The following KCNIP1 variants were observed in gnomAD, a reference collection of about 807,000 sequenced individuals.
KCNIP1 encodes the protein A-type potassium channel modulatory protein KCNIP1.
Under a neutral mutation model 33.0 loss-of-function variants are expected in KCNIP1, and 18 were observed. The ratio of observed to expected loss-of-function variants is 0.55; its 90% CI spans 0.38 to 0.81. The LOEUF (loss-of-function observed/expected upper bound fraction) is 0.81, where lower values mean the gene tolerates loss of function less well. Among genes scored for constraint, KCNIP1 ranks in the 30% least tolerant of loss-of-function variants. The pLI, the probability that KCNIP1 is intolerant of heterozygous loss-of-function variation, is 0.00. For synonymous variants in KCNIP1, 93 were observed against 98.3 expected, an observed-to-expected ratio of 0.95 and a Z score of 0.32; for missense variants, 238 against 271.6, an observed-to-expected ratio of 0.88 and a Z score of 0.87.
At chr5:170,565,204 T>C (rs1240578250) in intron 1 of KCNIP1, among the ~76,000 whole-genome samples, 1 of 152,018 alleles carries the variant, frequency 6.6e-6, no homozygotes. Context: ...GCCTGCCAAT[T>C]AGTGACGTTC....
intron 1 of KCNIP1, among the ~76,000 whole-genome samples, chr5:170,673,496 G>A (rs536495934): frequency 7.2e-5 from 11 of 152,310 alleles, no homozygotes; most frequent in Non-Finnish European, 7.3e-5. Flanking sequence ...GAAGCTTAGC[G>A]AGCTCAAGTA....
intron 1 of KCNIP1, among the ~76,000 whole-genome samples, chr5:170,443,502 C>G (rs1756040684): frequency 6.6e-6 from 1 of 152,260 alleles, no homozygotes; most frequent in South Asian, 2.1e-4. Context: ...AAGGCATATG[C>G]AAGAACAGGT....
chr5:170,641,342 G>A lies in KCNIP1; in HGVS notation c.62-77416G>A, dbSNP rs1447310985. Among the ~76,000 whole-genome samples the A allele has an allele frequency of 2.6e-5, 4 of 152,308 alleles. No individual in the cohort carries two copies. In the East Asian group the frequency reaches 5.8e-4, roughly 22 times the overall value. ...CCCTACCTGGCTCTGCTCTGCTGGG[G>A]GAAGCCTTTTCAGAGCCTGCCTCTT... On this transcript the variant is annotated intron_variant, in intron 1 of 7. Transcript: ENST00000328939.
intron 1 of KCNIP1, among the ~76,000 whole-genome samples, chr5:170,646,608 A>G (rs1224917801): frequency 6.6e-6 from 1 of 152,154 alleles, no homozygotes; most frequent in Non-Finnish European, 1.5e-5. Flanking sequence ...GATAAAGAAC[A>G]TCTACAAAAA....
chr5:170,606,960 G>A (rs1464213845), intron 1 of KCNIP1, among the ~76,000 whole-genome samples: 1 of 152,020 alleles, frequency 6.6e-6, no homozygotes, highest in Non-Finnish European at 1.5e-5. Context: ...ACAGGCTTCT[G>A]TCCCCTGGCC....
intron 1 of KCNIP1, among the ~76,000 whole-genome samples, chr5:170,425,452 T>TG (rs1196400996): frequency 6.6e-6 from 1 of 152,086 alleles, no homozygotes; most frequent in Non-Finnish European, 1.5e-5. Flanking sequence ...ATGGCAGTCA[T>TG]GGGGGGAGGC....
At chr5:170,443,725 A>G (rs1756045410) in intron 1 of KCNIP1, among the ~76,000 whole-genome samples, 1 of 152,228 alleles carries the variant, frequency 6.6e-6, no homozygotes, top group Non-Finnish European at 1.5e-5. Context: ...CACAGCAGCA[A>G]AAAGATCTGC....
intron 1 of KCNIP1, among the ~76,000 whole-genome samples, chr5:170,547,163 TCTAA>T (rs1561680191): frequency 6.6e-6 from 1 of 152,204 alleles, no homozygotes; most frequent in Non-Finnish European, 1.5e-5. Flanking sequence ...AACTTTTCTC[TCTAA>T]CTACTTTTAA....
chr5:170,641,974 G>A (rs114760305), intron 1 of KCNIP1: 4,244 of 152,330 alleles, frequency 0.028, 73 homozygotes, highest in South Asian at 0.076. Flanking sequence ...CGGCTCTGTC[G>A]CCCTTCCCAT....
chr5:170,644,768 C>T (rs1760718481), intron 1 of KCNIP1, among the ~76,000 whole-genome samples: 2 of 152,216 alleles, frequency 1.3e-5, no homozygotes, highest in Non-Finnish European at 2.9e-5. Flanking sequence ...CTTCAAGTCA[C>T]AGGCATTTCA....
rs150934314 is a variant in KCNIP1 at position 170,473,371 on chromosome 5, T to C, written c.88+119407T>C. 7.5e-3 allele frequency among the ~76,000 whole-genome samples: 1,144 copies of C among 152,318 alleles called. 6 individuals are homozygous for C. The highest frequency in any genetic ancestry group is 0.026 in the African/African-American group (1,084 of 41,552). ...AATATTGTAAAATGTGTACCAGTGTTATGCCCATTTTATAGTTGAGAAAAC... is the reference window on the plus strand; with the variant it reads ...AATATTGTAAAATGTGTACCAGTGTCATGCCCATTTTATAGTTGAGAAAAC... On this transcript the variant is annotated intron_variant, in intron 1 of 7. Transcript: ENST00000377360.
In KCNIP1 at chr5:170,582,300, C is replaced by T. The variant is rs900511493; in HGVS notation, c.61+77667C>T. ...GGTTGGCAGGTGGCTCCACCATATA[C>T]TTGTTGAGTAGTCCTGAGCAGGTGT... is the stretch of plus-strand genomic sequence containing the variant. On this transcript the variant is annotated intron_variant, in intron 1 of 7. Transcript: ENST00000328939. Among the ~76,000 whole-genome samples, 6 of 152,192 alleles carry T rather than the reference C, an allele frequency of 3.9e-5. No individual in the cohort carries two copies. The South Asian group carries it at 6.2e-4, about 16-fold the overall frequency.
intron 1 of KCNIP1, among the ~76,000 whole-genome samples, chr5:170,415,601 A>C (rs1755306169): frequency 6.6e-6 from 1 of 152,144 alleles, no homozygotes; most frequent in African/African-American, 2.4e-5. Flanking sequence ...TTCTGACTTC[A>C]TGGTCCACAC....
intron 1 of KCNIP1, chr5:170,385,269 C>G (rs760953704): frequency 3.9e-5 from 63 of 1,611,562 alleles, no homozygotes; most frequent in Non-Finnish European, 5.3e-5. Context: ...ATGCCAGACC[C>G]TTAGGAGAGG....
chr5:170,623,273 G>T (rs1057256116), intron 1 of KCNIP1, among the ~76,000 whole-genome samples: 4 of 151,808 alleles, frequency 2.6e-5, no homozygotes, highest in Non-Finnish European at 4.4e-5. Flanking sequence ...GAGTGCAATG[G>T]CACGATCTCG....
At chr5:170,731,263 C>A (rs1438351564) in intron 5 of KCNIP1, among the ~76,000 whole-genome samples, 2 of 152,158 alleles carry the variant, frequency 1.3e-5, no homozygotes, top group Non-Finnish European at 2.9e-5. Context: ...AAGGTTATAC[C>A]ATCACTTCTG....
At chr5:170,733,008 G>T (rs1351781370) in intron 6 of KCNIP1, 104 bp downstream of exon 6, 3 of 652,172 alleles carry the variant, frequency 4.6e-6, no homozygotes, top group Non-Finnish European at 5.6e-6. Context: ...ACTAAGCATG[G>T]TTGGTAACAG....
chr5:170,491,735 G>A (rs1449685178), intron 1 of KCNIP1, among the ~76,000 whole-genome samples: 1 of 152,160 alleles, frequency 6.6e-6, no homozygotes, highest in Non-Finnish European at 1.5e-5. Context: ...ACCTACAGGG[G>A]AGGTCTTGGC....
chr5:170,596,696 C>T (rs557951690), intron 1 of KCNIP1, among the ~76,000 whole-genome samples: 15 of 152,370 alleles, frequency 9.8e-5, no homozygotes, highest in African/African-American at 3.4e-4. Context: ...CTCATCCTGT[C>T]TAACACCATC....
Sources: gnomAD v4.1 joint callset for allele counts (sites outside exome capture counted in the v4.1 genomes callset) on GRCh38, gnomAD v4.1.1 for gene constraint, MANE v1.5 for transcripts, NCBI Gene and HGNC (gene_info 2026-07-23, HGNC 2026-07-21) for gene names.